Variants in MGAT5 observed in about 807,000 individuals in gnomAD.
MGAT5 encodes the protein alpha-1,6-mannosylglycoprotein 6-beta-N-acetylglucosaminyltransferase, also known as alpha-1,6-mannosylglycoprotein 6-beta-N-acetylglucosaminyltransferase A.
Under a neutral mutation model 94.3 loss-of-function variants are expected in MGAT5, and 30 were observed. The ratio of observed to expected loss-of-function variants is 0.32; its 90% CI spans 0.24 to 0.43. MGAT5 has a LOEUF of 0.43. Ranked by LOEUF, MGAT5 falls within the 20% of genes least tolerant of loss-of-function variation. The probability of loss-of-function intolerance (pLI) is 1.00; values close to 1 mark genes in which losing one functional copy is unlikely to be tolerated. For synonymous variants in MGAT5, 310 were observed against 322.9 expected, an observed-to-expected ratio of 0.96 and a Z score of 0.43; for missense variants, 691 against 905.5, an observed-to-expected ratio of 0.76 and a Z score of 3.04.
intron 5 of MGAT5, among the ~76,000 whole-genome samples, chr2:134,336,794 G>T (rs17783620): frequency 1.3e-5 from 2 of 152,068 alleles, no homozygotes; most frequent in South Asian, 2.1e-4. Context: ...GAGCATGCAC[G>T]CATGGTTCAG....
chr2:134,122,014 C>T (rs543953262), intron 1 of MGAT5, among the ~76,000 whole-genome samples: 1 of 152,230 alleles, frequency 6.6e-6, no homozygotes, highest in Admixed American at 6.5e-5. Flanking sequence ...GTCCTCACTG[C>T]TTTCCTATAA....
intron 10 of MGAT5, among the ~76,000 whole-genome samples, chr2:134,402,637 A>G (rs966871252): frequency 4.6e-5 from 7 of 152,226 alleles, no homozygotes; most frequent in African/African-American, 2.4e-5. Context: ...AGCCAAAATC[A>G]ACTGTTAGGT....
chr2:134,156,212 C>T (rs1398113317), intron 1 of MGAT5, among the ~76,000 whole-genome samples: 4 of 152,158 alleles, frequency 2.6e-5, no homozygotes, highest in African/African-American at 4.8e-5. Context: ...TATTTGCATA[C>T]AGAGACCCTT....
At chr2:134,162,303 C>T (rs1314512203) in intron 1 of MGAT5, among the ~76,000 whole-genome samples, 1 of 152,086 alleles carries the variant, frequency 6.6e-6, no homozygotes, top group Non-Finnish European at 1.5e-5. Context: ...TGAAGACTGG[C>T]GGGTTGTCAG....
chr2:134,251,705 G>A (rs983862966), upstream of MGAT5, among the ~76,000 whole-genome samples: 4 of 152,176 alleles, frequency 2.6e-5, no homozygotes, highest in African/African-American at 4.8e-5. Flanking sequence ...ATTGTGAAAT[G>A]ATCAAATTAG....
At chr2:134,348,650 C>G (rs1679162114) in intron 8 of MGAT5, among the ~76,000 whole-genome samples, 1 of 152,144 alleles carries the variant, frequency 6.6e-6, no homozygotes, top group African/African-American at 2.4e-5. Context: ...TCATCTGATT[C>G]TAAAATGTGG....
chr2:134,357,250 CT>C (rs1329660440), intron 9 of MGAT5, among the ~76,000 whole-genome samples: 1 of 152,190 alleles, frequency 6.6e-6, no homozygotes, highest in Non-Finnish European at 1.5e-5. Flanking sequence ...GTGGCCTCAT[CT>C]TACTTTCTTG....
At chr2:134,225,028 A>G (rs939954770) in intron 1 of MGAT5, among the ~76,000 whole-genome samples, 1 of 139,778 alleles carries the variant, frequency 7.2e-6, no homozygotes, top group Admixed American at 7.8e-5. Context: ...TCAGTGAGCT[A>G]TGATCTTACT....
At chr2:134,154,472 C>T (rs1687380950) in intron 1 of MGAT5, among the ~76,000 whole-genome samples, 1 of 152,212 alleles carries the variant, frequency 6.6e-6, no homozygotes, top group Admixed American at 6.5e-5. Context: ...TGGGGAAGTC[C>T]TGATTAGACC....
intron 1 of MGAT5, among the ~76,000 whole-genome samples, chr2:134,176,150 G>T (rs1688453525): frequency 6.6e-6 from 1 of 152,140 alleles, no homozygotes; most frequent in Non-Finnish European, 1.5e-5. Flanking sequence ...AAGGCTGAAG[G>T]GGGTTGCTGG....
chr2:134,151,302 T>C lies in MGAT5; in HGVS notation c.-143+31011T>C, dbSNP rs796717457. Among the ~76,000 whole-genome samples the C allele has an allele frequency of 2.2e-4, 30 of 137,568 alleles. No homozygotes were observed. The East Asian group carries it at 2.3e-3, about 11-fold the overall frequency. 90.2% of individuals were successfully genotyped at this position (137,568 alleles called of 152,430 possible). On this transcript the variant is annotated intron_variant, in intron 1 of 16. Transcript: ENST00000409645. Reference sequence around the variant, plus strand: ...CTCATGCCCTGTGGGACCCACTCACTGCCATGGGACCTCACTCACCCATGC... The same window carrying C: ...CTCATGCCCTGTGGGACCCACTCACCGCCATGGGACCTCACTCACCCATGC...
chr2:134,267,156 G>C (rs182742257), intron 1 of MGAT5, among the ~76,000 whole-genome samples: 24 of 152,170 alleles, frequency 1.6e-4, no homozygotes, highest in African/African-American at 5.8e-4. Context: ...AGTAGATTCA[G>C]GGGGAGCAAG....
At chr2:134,304,356 G>A (rs1686206845) in intron 2 of MGAT5, among the ~76,000 whole-genome samples, 1 of 152,136 alleles carries the variant, frequency 6.6e-6, no homozygotes, top group African/African-American at 2.4e-5. Context: ...TCTGGATACT[G>A]GGATGGTGAA....
At chr2:134,442,318 G>C (rs1429220017) in intron 15 of MGAT5, among the ~76,000 whole-genome samples, 2 of 152,132 alleles carry the variant, frequency 1.3e-5, no homozygotes, top group African/African-American at 2.4e-5. Flanking sequence ...GCCTCCAGCA[G>C]AGTCTGAGCA....
At position 134,450,701 on chromosome 2, in the gene MGAT5, G is replaced by GGC; in HGVS notation, c.*1857_*1858dup. 6.6e-6 allele frequency: 1 copy of GGC among 152,386 alleles called. No homozygotes were observed. The highest frequency in any genetic ancestry group is 2.4e-5 in the African/African-American group (1 of 41,510). 9.4% of individuals were successfully genotyped at this position (152,386 alleles called of 1,614,324 possible). On this transcript the variant is annotated 3_prime_UTR_variant, in exon 16 of 16. Coordinates refer to ENST00000281923, the MANE Select transcript of MGAT5 (RefSeq NM_002410.5). ...CCTCTGCCCTGAGCATCATCACAGG[G>GGC]GCGCCTCCAGACCTGGCTGAGAATA... is the stretch of plus-strand genomic sequence containing the variant.
intron 9 of MGAT5, among the ~76,000 whole-genome samples, chr2:134,352,032 C>A (rs528604858): frequency 6.6e-6 from 1 of 152,092 alleles, no homozygotes; most frequent in Non-Finnish European, 1.5e-5. Flanking sequence ...GGCAGAAATG[C>A]AAAAGTTAAA....
intron 13 of MGAT5, among the ~76,000 whole-genome samples, chr2:134,426,205 ACTTCCTTCCTTC>A (rs112848952): frequency 1.5e-5 from 2 of 136,096 alleles, no homozygotes; most frequent in East Asian, 3.9e-4. Flanking sequence ...TGACTCACCG[ACTTCCTTCCTTC>A]CTTCCTTCCT....
chr2:134,426,464 ATGT>A lies in MGAT5; in HGVS notation c.1795-1895_1795-1893del, dbSNP rs1314928960. Among the ~76,000 whole-genome samples, 9 of 152,278 alleles carry A rather than the reference ATGT, an allele frequency of 5.9e-5. No homozygotes were observed. In the East Asian group the frequency reaches 9.6e-4, roughly 16 times the overall value. On this transcript the variant is annotated intron_variant, in intron 13 of 15. Coordinates refer to ENST00000281923, the MANE Select transcript of MGAT5 (RefSeq NM_002410.5). The stretch of plus-strand genomic sequence containing the variant: ...ATTTTCTAATGGATTCCCTTTGGAA[ATGT>A]TGTTGGAATGGTGCTTGGGTACTCG...
At chr2:134,293,168 A>G (rs1322319827) in intron 2 of MGAT5, among the ~76,000 whole-genome samples, 1 of 152,216 alleles carries the variant, frequency 6.6e-6, no homozygotes, top group Non-Finnish European at 1.5e-5. Context: ...ATGCTTTTAT[A>G]ACATGTATAT....
Sources: gnomAD v4.1 joint callset for allele counts (sites outside exome capture counted in the v4.1 genomes callset) on GRCh38, gnomAD v4.1.1 for gene constraint, MANE v1.5 for transcripts, NCBI Gene and HGNC (gene_info 2026-07-23, HGNC 2026-07-21) for gene names.